Variants in LRP5 observed in about 807,000 individuals in gnomAD.
LRP5 encodes low-density lipoprotein receptor-related protein 5.
In LRP5, 62 loss-of-function variants were observed where a neutral mutation model predicts 154.1. The ratio of observed to expected loss-of-function variants is 0.40; its 90% CI spans 0.33 to 0.50. The LOEUF is 0.50. LRP5 is among the 20% of genes least tolerant of loss of function. The pLI is 0.55. For synonymous variants in LRP5, 966 were observed against 1,011.5 expected (o/e 0.96, Z 0.85); for missense variants, 1,915 against 2,336.7 (o/e 0.82, Z 3.72).
intron 5 of LRP5, among the ~76,000 whole-genome samples, chr11:68,366,112 T>TCCGGGGA (rs2098630933): frequency 6.6e-6 from 1 of 152,096 alleles, no homozygotes; most frequent in African/African-American, 2.4e-5. Flanking sequence ...GCAGCTCGCC[T>TCCGGGGA]TCGGGGATGC....
At chr11:68,429,551 G>T (rs747502206) in intron 16 of LRP5, 24 bp from the exon 17 acceptor site, 1 of 1,613,874 alleles carries the variant, frequency 6.2e-7, no homozygotes, top group Non-Finnish European at 8.5e-7. Context: ...CCTGACCTCT[G>T]TTTGTCTTGT....
chr11:68,438,817 T>C (rs1193645820), intron 20 of LRP5, 135 bp downstream of exon 20: 1 of 776,730 alleles, frequency 1.3e-6, no homozygotes, highest in Middle Eastern at 3.6e-4. Flanking sequence ...ATCACAGCAT[T>C]CAGCCTTTCC....
At position 68,410,205 on chromosome 11, in the gene LRP5, A is replaced by G. The variant is rs897000470; in HGVS notation, c.2318+65A>G. The G allele has an allele frequency of 1.6e-5, 22 of 1,347,580 alleles. No individual in the cohort carries two copies. The Admixed American group carries it at 1.9e-4, about 12-fold the overall frequency. The allele number at this position is 1,347,580 out of a possible 1,614,324, so 83.5% of individuals were successfully genotyped here. A position where few individuals can be genotyped will look rare whatever the true frequency, so the allele number is the denominator to read the frequency against. On this transcript the variant is annotated intron_variant, in intron 10 of 22. Transcript: ENST00000294304. ...CGTATGAGACAGTGCGGGGGTGCCAACTGGGCAAGGTGGCAGGCTGTCCGT... is the reference window on the plus strand; with the variant it reads ...CGTATGAGACAGTGCGGGGGTGCCAGCTGGGCAAGGTGGCAGGCTGTCCGT...
chr11:68,443,720 G>A (rs1222541101), intron 21 of LRP5, among the ~76,000 whole-genome samples: 3 of 148,092 alleles, frequency 2.0e-5, no homozygotes, highest in Non-Finnish European at 4.5e-5. Flanking sequence ...GTGCAGTGGC[G>A]CAATCTCAGC....
In LRP5 at chr11:68,423,572, A is replaced by G. The variant is rs779448157; in HGVS notation, c.3111A>G (p.Thr1037=). ...HDLSIDIYSR[T]LFWTCEATNT... is the part of the protein sequence containing the mutation. ...TCAGCATCGACATCTACAGCCGGACACTGTTCTGGACGTGCGAGGCCACCA... is the reference window on the plus strand; with the variant it reads ...TCAGCATCGACATCTACAGCCGGACGCTGTTCTGGACGTGCGAGGCCACCA... The change falls in exon 14 of 23, where the codon ACA becomes ACG. Residue 1037 remains threonine, a synonymous_variant. Coordinates refer to ENST00000294304, the MANE Select transcript of LRP5 (RefSeq NM_002335.4). The surrounding 1 kb of genome is among the most constrained non-coding windows in gnomAD (Gnocchi z 4.7). 2.1e-5 allele frequency: 34 copies of G among 1,614,084 alleles called. No individual in the cohort carries two copies. Among genetic ancestry groups the G allele is most frequent in the Non-Finnish European group, 2.8e-5 (33 of 1,180,038 alleles).
At chr11:68,324,858 G>A (rs182408687) in intron 1 of LRP5, among the ~76,000 whole-genome samples, 210 of 152,296 alleles carry the variant, frequency 1.4e-3, no homozygotes, top group Middle Eastern at 6.8e-3. Context: ...TGACTTGGAG[G>A]GTGATGAGAG....
chr11:68,403,441 T>C (rs752536069), intron 7 of LRP5, 42 bp from the exon 8 acceptor site: 4 of 1,581,624 alleles, frequency 2.5e-6, no homozygotes, highest in Non-Finnish European at 2.6e-6. Flanking sequence ...CTCGTTGGTG[T>C]GGCCCTGGCC....
At chr11:68,331,996 A>G (rs369263968) in intron 1 of LRP5, among the ~76,000 whole-genome samples, 2 of 151,932 alleles carry the variant, frequency 1.3e-5, no homozygotes, top group East Asian at 3.9e-4. Flanking sequence ...GCCAAGCTGG[A>G]AGAGGTGGTG....
At chr11:68,409,228 T>TA (rs35128647) in intron 9 of LRP5, among the ~76,000 whole-genome samples, 96,073 of 136,458 alleles carry the variant, frequency 0.7, 34,746 homozygotes, top group South Asian at 0.84. Flanking sequence ...ATATATAATA[T>TA]AAAATATATA....
chr11:68,375,351 T>C (rs2098636756), intron 5 of LRP5, among the ~76,000 whole-genome samples: 1 of 152,218 alleles, frequency 6.6e-6, no homozygotes, highest in Non-Finnish European at 1.5e-5. Context: ...ACTCCCTTCC[T>C]GGCCCCCACT....
chr11:68,315,928 AGTT>A (rs1310120240), intron 1 of LRP5, among the ~76,000 whole-genome samples: 1 of 152,146 alleles, frequency 6.6e-6, no homozygotes, highest in African/African-American at 2.4e-5. Context: ...AAAGGTGTCG[AGTT>A]GTTTTTTTTT....
intron 17 of LRP5, among the ~76,000 whole-genome samples, chr11:68,431,231 CT>C (rs34840282): frequency 0.015 from 1,380 of 92,840 alleles, 2 homozygotes; most frequent in African/African-American, 0.042. Context: ...GCTGTGCACC[CT>C]TTTTTTTTTT....
chr11:68,396,386 G>A (rs1217815140), intron 7 of LRP5, among the ~76,000 whole-genome samples: 9 of 152,180 alleles, frequency 5.9e-5, no homozygotes, highest in Non-Finnish European at 1.3e-4. Context: ...ACGTGGTGGT[G>A]TGCGCAGCTG....
In LRP5 at chr11:68,425,278, G is replaced by T. The variant is rs1476128254; in HGVS notation, c.3413G>T (p.Ser1138Ile). ...GACGCGGACCTGAAGCGCATTGAGA[G>T]CTGTGACCTGTCAGGTACGCGCCCC... ...WVDADLKRIE[S>I]CDLSGANRLT... is the part of the protein sequence containing the mutation. Residue 1138 changes from serine (S) to isoleucine (I), a missense_variant, in exon 15 of 23, where the codon AGC becomes ATC. Ser to Ile is a moderately radical substitution (Grantham distance 142, BLOSUM62 -2). Transcript: ENST00000294304. 1 of 1,609,100 alleles carries T rather than the reference G, an allele frequency of 6.2e-7. No individual in the cohort carries two copies.
intron 14 of LRP5, 54 bp from the exon 15 acceptor site, chr11:68,425,048 T>C: frequency 6.4e-7 from 1 of 1,556,170 alleles, no homozygotes; most frequent in Non-Finnish European, 8.8e-7. Context: ...GGCTCCGTGC[T>C]GTCCGAGGAG....
chr11:68,380,448 G>A (rs2098639675), intron 5 of LRP5, among the ~76,000 whole-genome samples: 1 of 152,176 alleles, frequency 6.6e-6, no homozygotes. Context: ...TTGCTCTCTG[G>A]CCCTTCCCAG....
intron 7 of LRP5, among the ~76,000 whole-genome samples, chr11:68,394,568 C>T (rs2098648174): frequency 6.6e-6 from 1 of 152,052 alleles, no homozygotes; most frequent in Non-Finnish European, 1.5e-5. Context: ...CGGGTTCATG[C>T]CATTCTCCTG....
intron 1 of LRP5, 92 bp from the exon 2 acceptor site, chr11:68,347,755 A>C (rs1342089351): frequency 1.4e-6 from 2 of 1,466,798 alleles, no homozygotes; most frequent in Non-Finnish European, 1.9e-6. Context: ...GCAGGGCAGT[A>C]CCAGGAGTGC....
chr11:68,300,991 G>A, the LRP5 span, among the ~76,000 whole-genome samples: 1 of 147,758 alleles, frequency 6.8e-6, no homozygotes, highest in Non-Finnish European at 1.5e-5. Context: ...GTGCAATGAC[G>A]CGATCTCGGC....
Sources: allele counts gnomAD v4.1 joint callset (sites outside exome capture counted in the v4.1 genomes callset), GRCh38; gene constraint gnomAD v4.1.1; non-coding constraint Gnocchi (gnomAD v3.1); transcripts MANE v1.5; gene names NCBI Gene and HGNC (gene_info 2026-07-23, HGNC 2026-07-21).